YTHDC2: variants seen among roughly 807,000 people sequenced by gnomAD.
YTHDC2 encodes YTH N6-methyladenosine RNA binding protein C2.
A neutral mutation model predicts 174.9 loss-of-function variants in YTHDC2; 45 were observed. The observed-to-expected ratio is 0.26, with a 90% confidence interval of 0.20 to 0.33. The LOEUF is 0.33. Ranked by LOEUF, YTHDC2 falls within the 10% of genes least tolerant of loss-of-function variation. The pLI is 1.00. For synonymous variants in YTHDC2, 657 were observed against 574.5 expected, an observed-to-expected ratio of 1.14 and a Z score of -2.05; for missense variants, 1,650 against 1,723.7, an observed-to-expected ratio of 0.96 and a Z score of 0.76.
chr5:113,522,045 C>T (rs747825475), intron 2 of YTHDC2, among the ~76,000 whole-genome samples: 1 of 151,178 alleles, frequency 6.6e-6, no homozygotes, highest in Non-Finnish European at 1.5e-5. Flanking sequence ...GGAGCTAGAT[C>T]TTTGCATCTG....
intron 7 of YTHDC2, among the ~76,000 whole-genome samples, chr5:113,538,560 C>G (rs73240968): frequency 0.015 from 2,266 of 152,204 alleles, 62 homozygotes; most frequent in African/African-American, 0.051. Context: ...TCATTATACA[C>G]TTTTTATTCT....
chr5:113,533,413 G>A (rs1774827334), intron 5 of YTHDC2, among the ~76,000 whole-genome samples: 1 of 151,936 alleles, frequency 6.6e-6, no homozygotes, highest in Non-Finnish European at 1.5e-5. Flanking sequence ...TCCGGGCTTG[G>A]TGGTGCATGC....
intron 22 of YTHDC2, 23 bp downstream of exon 22, chr5:113,567,320 G>C (rs1777403019): frequency 6.4e-7 from 1 of 1,573,224 alleles, no homozygotes; most frequent in Non-Finnish European, 8.6e-7. Flanking sequence ...GAATGCTGTT[G>C]GGTTTTGAGG....
At chr5:113,529,321 T>C (rs1219153078) in intron 4 of YTHDC2, among the ~76,000 whole-genome samples, 1 of 152,190 alleles carries the variant, frequency 6.6e-6, no homozygotes, top group Non-Finnish European at 1.5e-5. Context: ...GGAATCTTTC[T>C]CTTATATTGT....
chr5:113,587,893 A>G (rs1778781156), intron 26 of YTHDC2, among the ~76,000 whole-genome samples: 1 of 151,950 alleles, frequency 6.6e-6, no homozygotes, highest in Non-Finnish European at 1.5e-5. Context: ...ATCCATAAGC[A>G]TAGTATATCT....
At chr5:113,560,586 T>G (rs2112703858) in intron 17 of YTHDC2, among the ~76,000 whole-genome samples, 1 of 152,282 alleles carries the variant, frequency 6.6e-6, no homozygotes, top group East Asian at 1.9e-4. Flanking sequence ...TTGGGTGAAT[T>G]TAGGAGACTG....
At chr5:113,550,438 A>C (rs114282545) in intron 12 of YTHDC2, among the ~76,000 whole-genome samples, 2,823 of 152,268 alleles carry the variant, frequency 0.019, 44 homozygotes, top group Non-Finnish European at 0.026. Context: ...AAGGAGGTAT[A>C]ATCATAGTAT....
Position 113,548,986 on chromosome 5 carries a change from C to G in YTHDC2, c.1654C>G (p.Gln552Glu). 3.7e-6 allele frequency: 6 copies of G among 1,613,064 alleles called. No homozygotes were observed. Among genetic ancestry groups the G allele is most frequent in the Non-Finnish European group, 2.5e-6 (3 of 1,179,418 alleles). Reference sequence around the variant, plus strand: ...ATTGGATTGGGCTAAACACTTTGGGCAGACTGAAATTGTGGATCTTCTAGA... The same window carrying G: ...ATTGGATTGGGCTAAACACTTTGGGGAGACTGAAATTGTGGATCTTCTAGA... ...MALDWAKHFG[Q>E]TEIVDLLESY... is the part of the protein sequence containing the mutation. The change falls in exon 12 of 30, where the codon CAG (glutamine) becomes GAG (glutamate). Residue 552 changes from glutamine to glutamate, a missense_variant. By Grantham distance (29) the Gln-to-Glu change is conservative. Transcript: ENST00000161863.
intron 17 of YTHDC2, among the ~76,000 whole-genome samples, chr5:113,558,462 G>GT (rs2112694432): frequency 6.6e-6 from 1 of 152,232 alleles, no homozygotes; most frequent in African/African-American, 2.4e-5. Context: ...TAATTCAAGA[G>GT]ATACTAAAGA....
intron 12 of YTHDC2, among the ~76,000 whole-genome samples, chr5:113,550,716 G>C (rs1776198119): frequency 6.6e-6 from 1 of 152,068 alleles, no homozygotes; most frequent in Non-Finnish European, 1.5e-5. Context: ...GTGTGACTAG[G>C]AGTTTTTGTT....
intron 23 of YTHDC2, among the ~76,000 whole-genome samples, chr5:113,568,639 C>G (rs1777514476): frequency 6.6e-6 from 1 of 152,156 alleles, no homozygotes; most frequent in Non-Finnish European, 1.5e-5. Flanking sequence ...GTTTTCCATT[C>G]CTGCATTAGT....
intron 23 of YTHDC2, among the ~76,000 whole-genome samples, chr5:113,571,651 A>G (rs950420189): frequency 3.9e-5 from 6 of 152,062 alleles, no homozygotes; most frequent in Non-Finnish European, 2.9e-5. Context: ...TCAATTTCCA[A>G]ACTTGTTATT....
intron 7 of YTHDC2, among the ~76,000 whole-genome samples, chr5:113,536,867 T>G (rs1162895669): frequency 6.6e-6 from 1 of 151,860 alleles, no homozygotes; most frequent in Non-Finnish European, 1.5e-5. Flanking sequence ...TTTATAAACA[T>G]GAGCACATGG....
intron 2 of YTHDC2, among the ~76,000 whole-genome samples, chr5:113,520,146 T>C (rs1440795754): frequency 1.3e-5 from 2 of 152,306 alleles, no homozygotes; most frequent in Admixed American, 6.5e-5. Flanking sequence ...TGAGAACATG[T>C]AGTGTTTGGT....
intron 13 of YTHDC2, 42 bp from the exon 14 acceptor site, chr5:113,553,548 T>G: frequency 6.3e-7 from 1 of 1,591,762 alleles, no homozygotes; most frequent in Non-Finnish European, 8.6e-7. Flanking sequence ...TTGCCTCTGA[T>G]TCACAATGAG....
At chr5:113,566,115 T>A in intron 21 of YTHDC2, 96 bp downstream of exon 21, 1 of 1,294,568 alleles carries the variant, frequency 7.7e-7, no homozygotes, top group Non-Finnish European at 1.0e-6. Flanking sequence ...CATCTATTAT[T>A]TTTATGACAT....
At chr5:113,535,507 A>T (rs896656250) in intron 6 of YTHDC2, 135 bp from the exon 7 acceptor site, 9 of 788,620 alleles carry the variant, frequency 1.1e-5, no homozygotes, top group Non-Finnish European at 1.7e-5. Context: ...GTAATACAAA[A>T]TTTTCATGAA....
intron 26 of YTHDC2, among the ~76,000 whole-genome samples, chr5:113,586,613 T>A (rs559582992): frequency 1.3e-5 from 2 of 151,772 alleles, no homozygotes; most frequent in South Asian, 4.1e-4. Context: ...TTCTCCTATG[T>A]TTTTAGAAGT....
rs569731620 is a variant in YTHDC2, at chr5:113,532,433, C to G, written c.676-446C>G. Among the ~76,000 whole-genome samples the G allele has an allele frequency of 1.3e-4, 20 of 152,120 alleles. 1 individual carries two copies. In the South Asian group the frequency reaches 3.5e-3, roughly 27 times the overall value. Reference sequence around the variant, plus strand: ...GGTATCTACAATCCTGGATTATAGACTATTTTTGTTTTTTAACGCTTTTCA... The same window carrying G: ...GGTATCTACAATCCTGGATTATAGAGTATTTTTGTTTTTTAACGCTTTTCA... On this transcript the variant is annotated intron_variant, in intron 4 of 29. Coordinates refer to ENST00000161863, the MANE Select transcript of YTHDC2 (RefSeq NM_022828.5).
Sources: allele counts gnomAD v4.1 joint callset (sites outside exome capture counted in the v4.1 genomes callset), GRCh38; gene constraint gnomAD v4.1.1; transcripts MANE v1.5; gene names NCBI Gene and HGNC (gene_info 2026-07-23, HGNC 2026-07-21).